CCSER1: variants seen among roughly 807,000 people sequenced by gnomAD.
CCSER1 encodes the protein coiled-coil serine rich protein 1, also known as serine-rich coiled-coil domain-containing protein 1.
A neutral mutation model predicts 82.0 loss-of-function variants in CCSER1; 41 were observed. That is an observed-to-expected ratio of 0.50 (90% CI 0.39 to 0.65). The LOEUF is 0.65. Ranked by LOEUF, CCSER1 falls within the 30% of genes least tolerant of loss-of-function variation. The pLI is 0.00. For missense variants in CCSER1, 1,119 were observed against 1,064.2 expected (o/e 1.05, Z -0.72); for synonymous variants, 414 against 383.9 (o/e 1.08, Z -0.92).
At chr4:90,329,385 G>C (rs1473755630) in intron 3 of CCSER1, among the ~76,000 whole-genome samples, 2 of 152,144 alleles carry the variant, frequency 1.3e-5, no homozygotes, top group African/African-American at 2.4e-5. Flanking sequence ...AAGTGAATAT[G>C]ACAGTTGTTT....
intron 9 of CCSER1, among the ~76,000 whole-genome samples, chr4:91,014,564 AT>A (rs1376123195): frequency 7.4e-6 from 1 of 134,338 alleles, no homozygotes; most frequent in Non-Finnish European, 1.7e-5. Context: ...TAACCAGCTA[AT>A]CCTTTTATAA....
intron 1 of CCSER1, among the ~76,000 whole-genome samples, chr4:90,169,705 G>A (rs1312095846): frequency 6.6e-6 from 1 of 152,020 alleles, no homozygotes; most frequent in Non-Finnish European, 1.5e-5. Flanking sequence ...TTATTGTGGA[G>A]CATATGAACA....
At chr4:90,577,024 C>T (rs1242820857) in intron 5 of CCSER1, among the ~76,000 whole-genome samples, 2 of 152,074 alleles carry the variant, frequency 1.3e-5, no homozygotes, top group Non-Finnish European at 2.9e-5. Context: ...TGTTCCATAT[C>T]CTAACCAGCA....
At chr4:91,509,911 T>G (rs1159527703) in intron 10 of CCSER1, among the ~76,000 whole-genome samples, 1 of 152,110 alleles carries the variant, frequency 6.6e-6, no homozygotes, top group Non-Finnish European at 1.5e-5. Flanking sequence ...ATTAGGTACA[T>G]TGTGTGATGC....
At chr4:91,247,618 C>T (rs918347012) in intron 10 of CCSER1, among the ~76,000 whole-genome samples, 3 of 152,116 alleles carry the variant, frequency 2.0e-5, no homozygotes, top group Non-Finnish European at 4.4e-5. Context: ...CCTGTAATCC[C>T]GGCACTTTGG....
Position 90,440,860 on chromosome 4 carries a change from G to C in CCSER1, c.1604-27374G>C, listed in dbSNP as rs565086470. Reference sequence around the variant, plus strand: ...TCGCTCTTAGCTCATAACAAGACCAGGGCTTAAAATTTAAGTTCCTTAAAA... The same window carrying C: ...TCGCTCTTAGCTCATAACAAGACCACGGCTTAAAATTTAAGTTCCTTAAAA... On this transcript the variant is annotated intron_variant, in intron 4 of 10. Transcript: ENST00000509176. Among the ~76,000 whole-genome samples, 43 of 152,142 alleles carry C rather than the reference G, an allele frequency of 2.8e-4. No individual in the cohort carries two copies. The South Asian group carries it at 8.3e-3, about 29-fold the overall frequency.
At chr4:90,209,044 G>T (rs978148058) in intron 1 of CCSER1, among the ~76,000 whole-genome samples, 2 of 151,942 alleles carry the variant, frequency 1.3e-5, no homozygotes, top group African/African-American at 2.4e-5. Context: ...TAAAATATTT[G>T]CCTGAGATAA....
At chr4:91,203,794 A>G (rs1166366448) in intron 10 of CCSER1, among the ~76,000 whole-genome samples, 1 of 151,832 alleles carries the variant, frequency 6.6e-6, no homozygotes, top group African/African-American at 2.4e-5. Flanking sequence ...TGAAGAATCA[A>G]TACTAGTTTC....
chr4:91,180,383 G>C (rs879908414), intron 10 of CCSER1, among the ~76,000 whole-genome samples: 1 of 152,222 alleles, frequency 6.6e-6, no homozygotes, highest in Non-Finnish European at 1.5e-5. Context: ...GCTGCCTTTT[G>C]TTCAGTTATG....
chr4:90,272,714 G>T (rs1424706427), intron 1 of CCSER1, among the ~76,000 whole-genome samples: 1 of 152,044 alleles, frequency 6.6e-6, no homozygotes, highest in Non-Finnish European at 1.5e-5. Flanking sequence ...ACAGCATGGA[G>T]TACTATTCAG....
chr4:90,333,598 A>G lies in CCSER1; in HGVS notation c.1509+20551A>G, dbSNP rs144933586. Among the ~76,000 whole-genome samples the G allele has an allele frequency of 1.9e-3, 290 of 152,340 alleles. 1 individual carries two copies. Among genetic ancestry groups the G allele is most frequent in the Non-Finnish European group, 3.2e-3 (215 of 68,026 alleles). On this transcript the variant is annotated intron_variant, in intron 3 of 10. Coordinates refer to ENST00000509176, the MANE Select transcript of CCSER1 (RefSeq NM_001145065.2). ...GTTACTTCTCCAGCAATGCAGTTTA[A>G]GTGGTTCTAGCATGTGAGTTTACTT...
At chr4:90,476,474 C>T (rs377572326) in intron 5 of CCSER1, among the ~76,000 whole-genome samples, 3 of 151,936 alleles carry the variant, frequency 2.0e-5, no homozygotes, top group African/African-American at 4.8e-5. Flanking sequence ...GAAAGGCAGC[C>T]GGCTAGATGT....
At chr4:90,970,732 G>C (rs1328695871) in intron 9 of CCSER1, among the ~76,000 whole-genome samples, 3 of 151,742 alleles carry the variant, frequency 2.0e-5, no homozygotes, top group Non-Finnish European at 4.4e-5. Flanking sequence ...TGAAATCATA[G>C]AATTATTTCT....
At chr4:90,976,205 G>A (rs1735599850) in intron 9 of CCSER1, among the ~76,000 whole-genome samples, 1 of 151,078 alleles carries the variant, frequency 6.6e-6, no homozygotes, top group African/African-American at 2.4e-5. Context: ...TACATTAAAA[G>A]GCTAGACACA....
At chr4:90,747,485 A>G (rs1580276835) in intron 7 of CCSER1, among the ~76,000 whole-genome samples, 1 of 151,558 alleles carries the variant, frequency 6.6e-6, no homozygotes, top group East Asian at 1.9e-4. Context: ...GAGAGCAGAG[A>G]AAAAAAAAGA....
chr4:91,100,577 G>T (rs981279667), intron 10 of CCSER1, among the ~76,000 whole-genome samples: 1 of 151,948 alleles, frequency 6.6e-6, no homozygotes. Context: ...CCCAAATATG[G>T]CAAAAAATTC....
At chr4:90,710,572 T>C (rs1580082486) in intron 6 of CCSER1, among the ~76,000 whole-genome samples, 2 of 152,164 alleles carry the variant, frequency 1.3e-5, no homozygotes, top group Non-Finnish European at 2.9e-5. Context: ...CCCAGCACCA[T>C]TTATTAAGTA....
intron 9 of CCSER1, chr4:91,015,479 A>C (rs1370585638): frequency 1.3e-5 from 2 of 152,016 alleles, no homozygotes; most frequent in Non-Finnish European, 2.9e-5. Flanking sequence ...ATAATCCATA[A>C]ACCAGATGCC....
intron 10 of CCSER1, among the ~76,000 whole-genome samples, chr4:91,462,253 CT>C (rs1756548480): frequency 6.6e-6 from 1 of 151,958 alleles, no homozygotes; most frequent in African/African-American, 2.4e-5. Context: ...GTTTAAATCC[CT>C]TTTTATTCAT....
Sources: gnomAD v4.1 joint callset for allele counts (sites outside exome capture counted in the v4.1 genomes callset) on GRCh38, gnomAD v4.1.1 for gene constraint, MANE v1.5 for transcripts, NCBI Gene and HGNC (gene_info 2026-07-23, HGNC 2026-07-21) for gene names.